The following AOX1 variants were observed in gnomAD, a reference collection of about 807,000 sequenced individuals.
AOX1 encodes aldehyde oxidase.
A neutral mutation model predicts 169.5 loss-of-function variants in AOX1; 153 were observed. That is an observed-to-expected ratio of 0.90 (90% confidence interval 0.79 to 1.03). The LOEUF is 1.03. Ranked by LOEUF, AOX1 falls within the 50% of genes least tolerant of loss-of-function variation. The pLI is 0.00. For synonymous variants in AOX1, 562 were observed against 581.9 expected (o/e 0.97, Z 0.49); for missense variants, 1,656 against 1,663.9 (o/e 1.00, Z 0.08).
At chr2:200,625,283 T>C (rs897813371) in intron 19 of AOX1, among the ~76,000 whole-genome samples, 8 of 152,210 alleles carry the variant, frequency 5.3e-5, no homozygotes, top group Non-Finnish European at 1.2e-4. Flanking sequence ...TAGAATTACT[T>C]ATTAGAAATT....
At position 200,670,406 on chromosome 2, in the gene AOX1, C is replaced by A. The variant is rs561735484; in HGVS notation, c.3967-223C>A. ...TTTTCTACTCTGGAGAAACAGAGAC[C>A]CACTCCACTTTTCACTGGGTGGTCT... On this transcript the variant is annotated intron_variant, in intron 34 of 34. Transcript: ENST00000374700. Among the ~76,000 whole-genome samples, 77 of 152,212 alleles carry A rather than the reference C, an allele frequency of 5.1e-4. 3 individuals are homozygous for A. The South Asian group carries it at 0.014, about 28-fold the overall frequency.
intron 4 of AOX1, among the ~76,000 whole-genome samples, chr2:200,598,004 G>A (rs1000280605): frequency 4.6e-5 from 7 of 152,010 alleles, no homozygotes; most frequent in African/African-American, 1.4e-4. Flanking sequence ...CTACTCGGGG[G>A]TGCTGAGGTG....
intron 20 of AOX1, among the ~76,000 whole-genome samples, chr2:200,633,416 T>C (rs1481243706): frequency 6.6e-6 from 1 of 152,148 alleles, no homozygotes; most frequent in South Asian, 2.1e-4. Context: ...GCTTTTCAGA[T>C]TGGCCAATTT....
chr2:200,668,515 G>A (rs1574966949), intron 32 of AOX1, 100 bp from the exon 33 acceptor site: 2 of 1,104,632 alleles, frequency 1.8e-6, no homozygotes, highest in Non-Finnish European at 2.6e-6. Flanking sequence ...CTCTTAAACT[G>A]TAATTTTAAA....
chr2:200,595,410 T>C, intron 3 of AOX1, 42 bp downstream of exon 3: 1 of 1,484,404 alleles, frequency 6.7e-7, no homozygotes, highest in Non-Finnish European at 9.3e-7. Flanking sequence ...ATTTTTATAA[T>C]TTTGAACTTT....
chr2:200,657,179 TATA>T (rs1559258470), intron 27 of AOX1, among the ~76,000 whole-genome samples: 1 of 66,550 alleles, frequency 1.5e-5, no homozygotes, highest in African/African-American at 5.3e-5. Context: ...TATATATATA[TATA>T]TATATATATT....
At chr2:200,664,590 T>C (rs752430600) in intron 31 of AOX1, among the ~76,000 whole-genome samples, 24 of 152,256 alleles carry the variant, frequency 1.6e-4, no homozygotes, top group Admixed American at 7.9e-4. Flanking sequence ...CTATAACTTA[T>C]TTGAATGATC....
intron 25 of AOX1, 74 bp downstream of exon 25, chr2:200,642,875 G>T: frequency 7.5e-6 from 11 of 1,458,622 alleles, no homozygotes; most frequent in Non-Finnish European, 9.3e-6. Flanking sequence ...GGCCATTCAG[G>T]TTGAGGAATT....
At chr2:200,591,651 TAGCGGTTTC>T (rs2034174892) in intron 1 of AOX1, among the ~76,000 whole-genome samples, 1 of 152,194 alleles carries the variant, frequency 6.6e-6, no homozygotes, top group African/African-American at 2.4e-5. Flanking sequence ...CCTGATTCCA[TAGCGGTTTC>T]ATTTTAACAA....
Position 200,613,913 on chromosome 2 carries a change from A to G in AOX1, c.1558A>G (p.Ile520Val). ...AGTGGAGTTCAAGAGGACTCTCATC[A>G]TCAGCTTCCTCTTCAAGTTCTACCT... Reference protein sequence around the residue: ...GKVEFKRTLIISFLFKFYLEV... With the variant: ...GKVEFKRTLIVSFLFKFYLEV... Residue 520 changes from isoleucine (I) to valine (V), a missense_variant, in exon 15 of 35, where the codon ATC becomes GTC. By Grantham distance (29) the Ile-to-Val change is conservative. Coordinates refer to ENST00000374700, the MANE Select transcript of AOX1 (RefSeq NM_001159.4). 1 of 1,612,632 alleles carries G rather than the reference A, an allele frequency of 6.2e-7. No individual in the cohort carries two copies. The highest frequency in any genetic ancestry group is 8.5e-7 in the Non-Finnish European group (1 of 1,179,962).
At chr2:200,594,556 C>G (rs992215268) in intron 2 of AOX1, among the ~76,000 whole-genome samples, 1 of 152,192 alleles carries the variant, frequency 6.6e-6, no homozygotes, top group East Asian at 1.9e-4. Context: ...AGGCCCAGCC[C>G]TCATATCTGA....
intron 10 of AOX1, among the ~76,000 whole-genome samples, chr2:200,606,422 C>A (rs535056563): frequency 6.6e-6 from 1 of 152,258 alleles, no homozygotes; most frequent in East Asian, 1.9e-4. Context: ...TAGTGTGACG[C>A]CTCCAGCTTT....
chr2:200,661,552 G>A (rs1159706447), intron 29 of AOX1, 27 bp from the exon 30 acceptor site: 2 of 1,595,738 alleles, frequency 1.3e-6, no homozygotes, highest in Non-Finnish European at 1.7e-6. Flanking sequence ...CATCCTTGTT[G>A]CATCATGCTA....
intron 25 of AOX1, among the ~76,000 whole-genome samples, chr2:200,643,384 T>TACAC (rs1453146255): frequency 1.5e-5 from 2 of 129,488 alleles, no homozygotes; most frequent in South Asian, 5.0e-4. Context: ...TGTATATATA[T>TACAC]ATACACACAC....
At chr2:200,603,491 T>G in intron 7 of AOX1, 135 bp downstream of exon 7, 1 of 611,484 alleles carries the variant, frequency 1.6e-6, no homozygotes, top group Non-Finnish European at 2.8e-6. Flanking sequence ...CCATTCTCAC[T>G]CCATCTCTCT....
At chr2:200,638,884 C>A (rs988149861) in intron 23 of AOX1, among the ~76,000 whole-genome samples, 6 of 151,932 alleles carry the variant, frequency 3.9e-5, no homozygotes, top group African/African-American at 1.2e-4. Flanking sequence ...ATTTCTTGCT[C>A]AAGTAACAGC....
At chr2:200,637,122 C>A in intron 22 of AOX1, 78 bp downstream of exon 22, 2 of 1,548,502 alleles carry the variant, frequency 1.3e-6, no homozygotes, top group Non-Finnish European at 1.8e-6. Context: ...GAGGAAGAAC[C>A]TGGGCCAAGA....
intron 1 of AOX1, among the ~76,000 whole-genome samples, chr2:200,587,938 C>T (rs1246969698): frequency 6.6e-6 from 1 of 152,106 alleles, no homozygotes; most frequent in Non-Finnish European, 1.5e-5. Flanking sequence ...AAGGGCCTAC[C>T]GTATGCCAGT....
intron 19 of AOX1, among the ~76,000 whole-genome samples, chr2:200,624,702 CTGA>C (rs2034965740): frequency 6.6e-6 from 1 of 152,144 alleles, no homozygotes; most frequent in Non-Finnish European, 1.5e-5. Flanking sequence ...ATTTTCTATC[CTGA>C]TTTTTAGAAA....
Sources: gnomAD v4.1 joint callset for allele counts (sites outside exome capture counted in the v4.1 genomes callset) on GRCh38, gnomAD v4.1.1 for gene constraint, MANE v1.5 for transcripts, NCBI Gene and HGNC (gene_info 2026-07-23, HGNC 2026-07-21) for gene names.